CACNA1I: variants seen among roughly 807,000 people sequenced by gnomAD.
The protein encoded by CACNA1I is calcium voltage-gated channel subunit alpha1 I.
CACNA1I carries 74 observed loss-of-function variants against 201.6 expected under a neutral mutation model. The ratio of observed to expected loss-of-function variants is 0.37; its 90% confidence interval spans 0.30 to 0.45. The LOEUF is 0.45. Ranked by LOEUF, CACNA1I falls within the 20% of genes least tolerant of loss-of-function variation. CACNA1I has a pLI of 1.00. For missense variants in CACNA1I, 2,346 were observed against 3,138.1 expected (o/e 0.75, Z 6.03); for synonymous variants, 1,431 against 1,345.2 (o/e 1.06, Z -1.40).
Position 39,659,980 on chromosome 22 carries a change from G to A in CACNA1I, c.2604+128G>A, listed in dbSNP as rs1458813497. 3 of 1,043,174 alleles carry A rather than the reference G, an allele frequency of 2.9e-6. No individual in the cohort carries two copies. The highest frequency in any genetic ancestry group is 2.1e-5 in the Admixed American group (1 of 47,066). The allele number at this position is 1,043,174 out of a possible 1,614,324, so 64.6% of individuals were successfully genotyped here. Reference sequence around the variant, plus strand: ...GCAGGCAACCTATCCCTAAAGGAGGGGGTTGCTGATGAGGTGGTGAGCTCT... The same window carrying A: ...GCAGGCAACCTATCCCTAAAGGAGGAGGTTGCTGATGAGGTGGTGAGCTCT... On this transcript the variant is annotated intron_variant, in intron 14 of 36. Coordinates refer to ENST00000402142, the MANE Select transcript of CACNA1I (RefSeq NM_021096.4). The surrounding 1 kb of genome is among the most constrained non-coding windows in gnomAD (Gnocchi z 4.3).
In CACNA1I at chr22:39,689,333, T is replaced by A. The variant is rs1197625390; in HGVS notation, c.*2928T>A. Reference sequence around the variant, plus strand: ...CAAAGTGTGTAAAGCCCGTCTGCTGTCTTCCCCCAAATCCTCAGCTCAGAG... The same window carrying A: ...CAAAGTGTGTAAAGCCCGTCTGCTGACTTCCCCCAAATCCTCAGCTCAGAG... On this transcript the variant is annotated 3_prime_UTR_variant, in exon 37 of 37. Coordinates refer to ENST00000402142, the MANE Select transcript of CACNA1I (RefSeq NM_021096.4). 1 of 152,818 alleles carries A rather than the reference T, an allele frequency of 6.5e-6. No homozygotes were observed. The highest frequency in any genetic ancestry group is 1.9e-4 in the East Asian group (1 of 5,206). 9.5% of individuals were successfully genotyped at this position (152,818 alleles called of 1,614,324 possible).
chr22:39,678,679 C>T (rs1038101047), intron 31 of CACNA1I, among the ~76,000 whole-genome samples: 18 of 152,152 alleles, frequency 1.2e-4, no homozygotes, highest in South Asian at 8.3e-4. Context: ...CAGCCCAGGG[C>T]GGGAAGGTGA....
intron 3 of CACNA1I, among the ~76,000 whole-genome samples, chr22:39,601,855 C>CCTTCCTTCCTTCCTTCCT (rs1933044914): frequency 1.4e-5 from 1 of 71,848 alleles, no homozygotes; most frequent in Non-Finnish European, 2.8e-5. Context: ...CCCTCCCTCC[C>CCTTCCTTCCTTCCTTCCT]TCCTTCCTTC....
At chr22:39,678,997 G>C in intron 31 of CACNA1I, 110 bp from the exon 32 acceptor site, 1 of 805,060 alleles carries the variant, frequency 1.2e-6, no homozygotes, top group Admixed American at 2.7e-5. Context: ...CCATCTCGGG[G>C]GTTGAATCTC....
intron 3 of CACNA1I, among the ~76,000 whole-genome samples, chr22:39,608,055 C>T: frequency 6.8e-6 from 1 of 147,030 alleles, no homozygotes; most frequent in Non-Finnish European, 1.5e-5. Context: ...GCGGAGGTTG[C>T]CATGAGCCCA....
At chr22:39,669,383 G>A (rs958937796) in intron 24 of CACNA1I, among the ~76,000 whole-genome samples, 23 of 152,332 alleles carry the variant, frequency 1.5e-4, no homozygotes, top group African/African-American at 5.3e-4. Flanking sequence ...ATGCACATGC[G>A]TACATGGATT....
At position 39,640,894 on chromosome 22, in the gene CACNA1I, C is replaced by A; in HGVS notation, c.768C>A (p.Tyr256Ter). The A allele has an allele frequency of 1.9e-6, 3 of 1,613,542 alleles. No individual in the cohort carries two copies. The highest frequency in any genetic ancestry group is 2.5e-6 in the Non-Finnish European group (3 of 1,179,664). The change falls in exon 6 of 37, where the codon TAC (tyrosine) becomes TAA (stop). Residue 256 changes from tyrosine to a stop codon, truncating the protein, a stop_gained. Coordinates refer to ENST00000402142, the MANE Select transcript of CACNA1I (RefSeq NM_021096.4). LOFTEE classifies it high-confidence loss of function. ...AAGGGGATGTGGCCTTGCCCCCATA[C>A]TACCAGCCGGAGGAGGATGATGAGA... ...TIQGDVALPP[Y>*]YQPEEDDEMP...
intron 1 of CACNA1I, among the ~76,000 whole-genome samples, chr22:39,593,482 A>C (rs986409152): frequency 1.3e-5 from 2 of 152,234 alleles, no homozygotes; most frequent in Non-Finnish European, 2.9e-5. Context: ...GTGACCTGCG[A>C]ACTGGGCTCT....
At chr22:39,603,384 A>C (rs1395511914) in intron 3 of CACNA1I, among the ~76,000 whole-genome samples, 1 of 152,192 alleles carries the variant, frequency 6.6e-6, no homozygotes, top group African/African-American at 2.4e-5. Context: ...GCTTTTCAGC[A>C]ATGTCCTTTC....
intron 4 of CACNA1I, among the ~76,000 whole-genome samples, chr22:39,630,371 T>C (rs2146407357): frequency 6.6e-6 from 1 of 152,390 alleles, no homozygotes; most frequent in East Asian, 1.9e-4. Context: ...ACCTGGGATG[T>C]GAGCCTCACG....
chr22:39,590,702 G>C (rs771772285), intron 1 of CACNA1I, among the ~76,000 whole-genome samples: 1 of 152,220 alleles, frequency 6.6e-6, no homozygotes, highest in Admixed American at 6.5e-5. Flanking sequence ...TACCATGGGA[G>C]TGACCCTGGA....
chr22:39,573,328 G>A (rs148892316), intron 1 of CACNA1I, among the ~76,000 whole-genome samples: 5 of 152,274 alleles, frequency 3.3e-5, no homozygotes, highest in Non-Finnish European at 7.4e-5. Flanking sequence ...GTCTGGATGG[G>A]CAATACTGCT....
chr22:39,673,745 C>T (rs895905437), intron 28 of CACNA1I, among the ~76,000 whole-genome samples: 2 of 152,250 alleles, frequency 1.3e-5, no homozygotes, highest in African/African-American at 4.8e-5. Context: ...GGCTTTTCTA[C>T]AGTGACACCC....
At position 39,665,942 on chromosome 22, in the gene CACNA1I, C is replaced by G. The variant is rs373111190; in HGVS notation, c.4040C>G (p.Ser1347Trp). The G allele has an allele frequency of 1.2e-6, 2 of 1,613,734 alleles. No individual in the cohort carries two copies. Residue 1347 changes from serine (S) to tryptophan (W), a missense_variant, in exon 23 of 37, where the codon TCG (serine) becomes TGG (tryptophan). By Grantham distance (177) the Ser-to-Trp change is radical (BLOSUM62 -3). Coordinates refer to ENST00000402142, the MANE Select transcript of CACNA1I (RefSeq NM_021096.4). The surrounding 1 kb of genome is among the most constrained non-coding windows in gnomAD (Gnocchi z 5.5). Reference protein sequence around the residue: ...GVDTRNITNRSDCMAANYRWV... With the variant: ...GVDTRNITNRWDCMAANYRWV... ...GACACCCGCAACATCACCAACCGCT[C>G]GGACTGCATGGCCGCCAACTACCGC... is the stretch of plus-strand genomic sequence containing the variant.
At position 39,662,324 on chromosome 22, in the gene CACNA1I, G is replaced by C. The variant is rs745871613; in HGVS notation, c.3261G>C (p.Pro1087=). Residue 1087 remains proline, a synonymous_variant, in exon 17 of 37, where the codon CCG becomes CCC. Coordinates refer to ENST00000402142, the MANE Select transcript of CACNA1I (RefSeq NM_021096.4). ...GGGCCGCCTGGAGGGCGGCAGGCCCGGCCCCCGGGCATGAGGACTGCAATG... is the reference window on the plus strand; with the variant it reads ...GGGCCGCCTGGAGGGCGGCAGGCCCCGCCCCCGGGCATGAGGACTGCAATG... The part of the protein sequence containing the change: ...HPRAAWRAAG[P]APGHEDCNGR... 7 of 1,477,536 alleles carry C rather than the reference G, an allele frequency of 4.7e-6. No individual in the cohort carries two copies. The highest frequency in any genetic ancestry group is 8.9e-7 in the Non-Finnish European group (1 of 1,122,808). The allele number at this position is 1,477,536 out of a possible 1,614,324, so 91.5% of individuals were successfully genotyped here. A position where few individuals can be genotyped will look rare whatever the true frequency, so the allele number is the denominator to read the frequency against.
chr22:39,658,273 A>G lies in CACNA1I; in HGVS notation c.2114A>G (p.Asn705Ser), dbSNP rs1934889105. ...GLFDYLRNPY[N>S]IFDSIIVIIS... ...TTCGACTACCTGCGTAACCCCTACA[A>G]CATCTTCGACAGCATCATTGTCATC... The change falls in exon 11 of 37, where the codon AAC (asparagine) becomes AGC (serine). Residue 705 changes from asparagine (N) to serine (S), a missense_variant. Physicochemically the swap from Asn to Ser is conservative, Grantham distance 46. Around this residue, in one of 13 missense-constraint regions of CACNA1I, gnomAD observed 155 missense variants for 300.8 expected, o/e 0.52. Transcript: ENST00000402142. 6.2e-7 allele frequency: 1 copy of G among 1,613,680 alleles called. No homozygotes were observed. The highest frequency in any genetic ancestry group is 8.5e-7 in the Non-Finnish European group (1 of 1,179,808).
rs11912017 is a variant in CACNA1I, at chr22:39,680,747, C to T, written c.5542-183C>T. On this transcript the variant is annotated intron_variant, in intron 33 of 36. Coordinates refer to ENST00000402142, the MANE Select transcript of CACNA1I (RefSeq NM_021096.4). ...GGAGGTGGCCACTGTGTCACCATCG[C>T]ATGTCACCCAGGCTGGGCCCCTGCA... 1.6e-3 allele frequency among the ~76,000 whole-genome samples: 243 copies of T among 152,286 alleles called. 1 individual carries two copies. Among genetic ancestry groups the T allele is most frequent in the African/African-American group, 5.8e-3 (242 of 41,546 alleles).
chr22:39,600,993 G>A (rs1933015118), intron 3 of CACNA1I, among the ~76,000 whole-genome samples: 2 of 152,308 alleles, frequency 1.3e-5, no homozygotes, highest in South Asian at 4.2e-4. Flanking sequence ...ATAAATGCTA[G>A]CTGTTAGGAT....
chr22:39,625,843 C>T (rs945762523), intron 4 of CACNA1I, among the ~76,000 whole-genome samples: 1 of 152,100 alleles, frequency 6.6e-6, no homozygotes, highest in Non-Finnish European at 1.5e-5. Context: ...CCGCCCCACC[C>T]CACCCCCAGC....
Sources: gnomAD v4.1 joint callset for allele counts (sites outside exome capture counted in the v4.1 genomes callset) on GRCh38, gnomAD v4.1.1 for gene constraint, gnomAD v4.1.1 regional missense constraint, Gnocchi (gnomAD v3.1) non-coding constraint, MANE v1.5 for transcripts, NCBI Gene and HGNC (gene_info 2026-07-23, HGNC 2026-07-21) for gene names.